SMYD3: variants seen among roughly 807,000 people sequenced by gnomAD.
SMYD3 encodes histone-lysine N-methyltransferase SMYD3.
Under a neutral mutation model 57.7 loss-of-function variants are expected in SMYD3, and 36 were observed. The observed-to-expected ratio is 0.62, with a 90% CI of 0.48 to 0.82. The LOEUF (loss-of-function observed/expected upper bound fraction) is 0.82. SMYD3 is among the 40% of genes least tolerant of loss of function. The pLI, the probability that SMYD3 is intolerant of heterozygous loss-of-function variation, is 0.00. For missense variants in SMYD3, 515 were observed against 538.8 expected, an observed-to-expected ratio of 0.96 and a Z score of 0.44; for synonymous variants, 211 against 195.0, an observed-to-expected ratio of 1.08 and a Z score of -0.68.
intron 5 of SMYD3, among the ~76,000 whole-genome samples, chr1:246,031,285 A>T (rs1465188098): frequency 1.3e-5 from 2 of 152,160 alleles, no homozygotes; most frequent in African/African-American, 2.4e-5. Flanking sequence ...GCAAAGAAGG[A>T]TTATGGGTTT....
At chr1:246,061,556 TA>T (rs1367550594) in intron 5 of SMYD3, among the ~76,000 whole-genome samples, 221 of 139,058 alleles carry the variant, frequency 1.6e-3, no homozygotes, top group Middle Eastern at 7.5e-3. Context: ...CATCTCTACT[TA>T]AAAAAAAAAA....
intron 10 of SMYD3, among the ~76,000 whole-genome samples, chr1:245,789,339 G>C (rs900880474): frequency 1.4e-4 from 21 of 152,178 alleles, no homozygotes; most frequent in African/African-American, 4.3e-4. Flanking sequence ...CAAGCTAGCA[G>C]GGACAGGAAT....
chr1:246,473,934 C>T (rs1158467439), intron 1 of SMYD3, among the ~76,000 whole-genome samples: 2 of 152,278 alleles, frequency 1.3e-5, no homozygotes, highest in East Asian at 1.9e-4. Context: ...TTTTCAAATG[C>T]TCCATCACTA....
intron 5 of SMYD3, among the ~76,000 whole-genome samples, chr1:246,261,337 A>G (rs2486847): frequency 0.015 from 2,243 of 147,912 alleles, 38 homozygotes; most frequent in African/African-American, 0.035. Flanking sequence ...GATTACAAGC[A>G]TGAGCCACCG....
chr1:246,433,392 G>A (rs2067325440), intron 1 of SMYD3, among the ~76,000 whole-genome samples: 1 of 152,218 alleles, frequency 6.6e-6, no homozygotes, highest in South Asian at 2.1e-4. Flanking sequence ...CACTCGCGGT[G>A]GCTCACGCCT....
At chr1:246,067,839 C>A (rs576187897) in intron 5 of SMYD3, among the ~76,000 whole-genome samples, 1 of 152,234 alleles carries the variant, frequency 6.6e-6, no homozygotes. Context: ...TGCACCAAGG[C>A]CGGGAGAGGC....
intron 5 of SMYD3, chr1:245,953,189 A>G (rs1356629310): frequency 1.0e-6 from 1 of 968,060 alleles, no homozygotes; most frequent in South Asian, 4.9e-5. Context: ...GTCATAATAT[A>G]TATTATCAGT....
At chr1:246,165,512 T>C (rs779115413) in intron 5 of SMYD3, among the ~76,000 whole-genome samples, 2 of 152,118 alleles carry the variant, frequency 1.3e-5, no homozygotes, top group Non-Finnish European at 2.9e-5. Context: ...TTTGGGGATT[T>C]CGGGACAGAA....
chr1:245,882,774 A>T (rs2052858715), intron 8 of SMYD3, among the ~76,000 whole-genome samples: 1 of 152,222 alleles, frequency 6.6e-6, no homozygotes, highest in Non-Finnish European at 1.5e-5. Flanking sequence ...CAAAACGTTT[A>T]AATTAATAAA....
chr1:245,983,123 A>T (rs1186402750), intron 5 of SMYD3, among the ~76,000 whole-genome samples: 1 of 152,176 alleles, frequency 6.6e-6, no homozygotes. Context: ...CCTCATACTG[A>T]AGGTCTTCAC....
intron 8 of SMYD3, among the ~76,000 whole-genome samples, chr1:245,873,644 C>A (rs1250554444): frequency 1.3e-5 from 2 of 152,150 alleles, no homozygotes; most frequent in Admixed American, 6.5e-5. Flanking sequence ...CCTCTGCCAA[C>A]AGAGATAAAA....
At chr1:246,198,615 G>A (rs992128387) in intron 5 of SMYD3, among the ~76,000 whole-genome samples, 3 of 152,088 alleles carry the variant, frequency 2.0e-5, no homozygotes, top group African/African-American at 2.4e-5. Flanking sequence ...CTTTTTTACT[G>A]CCTAAGAGAG....
At chr1:245,898,054 A>G (rs370115384) in intron 8 of SMYD3, among the ~76,000 whole-genome samples, 4 of 152,276 alleles carry the variant, frequency 2.6e-5, no homozygotes, top group African/African-American at 9.6e-5. Flanking sequence ...TCTTAGGGCT[A>G]CTGTGAATTT....
intron 8 of SMYD3, among the ~76,000 whole-genome samples, chr1:245,881,198 G>A (rs1252085838): frequency 1.3e-5 from 2 of 152,162 alleles, no homozygotes; most frequent in Middle Eastern, 3.2e-3. Context: ...CTCAAGTCTG[G>A]TTTCATCAAC....
intron 5 of SMYD3, among the ~76,000 whole-genome samples, chr1:246,239,514 A>G (rs2063568849): frequency 6.6e-6 from 1 of 152,136 alleles, no homozygotes; most frequent in Non-Finnish European, 1.5e-5. Flanking sequence ...GGTTGATTCC[A>G]AGTCTTTGCT....
intron 10 of SMYD3, among the ~76,000 whole-genome samples, chr1:245,798,454 G>GCCCC (rs2047685241): frequency 8.1e-4 from 4 of 4,912 alleles, no homozygotes; most frequent in African/African-American, 3.5e-3. Context: ...ATAAAAATAT[G>GCCCC]CACACACATA....
intron 5 of SMYD3, among the ~76,000 whole-genome samples, chr1:245,997,060 G>A (rs528196671): frequency 5.3e-5 from 8 of 152,322 alleles, no homozygotes; most frequent in African/African-American, 1.4e-4. Context: ...CAGGTGCCTC[G>A]CAGTCTGCTC....
intron 9 of SMYD3, among the ~76,000 whole-genome samples, chr1:245,861,473 C>CA (rs1231774678): frequency 2.6e-5 from 4 of 152,318 alleles, no homozygotes; most frequent in Admixed American, 6.5e-5. Context: ...GACCACAGAG[C>CA]TTTTATTCAC....
chr1:245,825,563 G>A (rs80155010), intron 10 of SMYD3, among the ~76,000 whole-genome samples: 8,765 of 152,180 alleles, frequency 0.058, 827 homozygotes, highest in African/African-American at 0.2. Flanking sequence ...GAGGCCATGC[G>A]TGGCCCTCCC....
Sources: allele counts gnomAD v4.1 joint callset (sites outside exome capture counted in the v4.1 genomes callset), GRCh38; gene constraint gnomAD v4.1.1; transcripts MANE v1.5; gene names NCBI Gene and HGNC (gene_info 2026-07-23, HGNC 2026-07-21).